Variants in SPAG16 observed in about 807,000 individuals in gnomAD.
SPAG16 encodes sperm associated antigen 16, also known as sperm-associated antigen 16 protein.
SPAG16 carries 86 observed loss-of-function variants against 80.4 expected under a neutral mutation model. That is an observed-to-expected ratio of 1.07 (90% CI 0.90 to 1.28). The LOEUF (loss-of-function observed/expected upper bound fraction) is 1.28. SPAG16 is among the 50% of genes most tolerant of loss of function. SPAG16 has a pLI of 0.00. For synonymous variants in SPAG16, 294 were observed against 265.9 expected, an observed-to-expected ratio of 1.11 and a Z score of -1.03; for missense variants, 870 against 765.3, an observed-to-expected ratio of 1.14 and a Z score of -1.61.
intron 10 of SPAG16, among the ~76,000 whole-genome samples, chr2:213,730,765 G>GTTCTC (rs1209203423): frequency 6.6e-6 from 1 of 152,088 alleles, no homozygotes; most frequent in Non-Finnish European, 1.5e-5. Context: ...CTCCTACTCT[G>GTTCTC]TTCTCTCTTC....
At chr2:213,731,823 A>T (rs1043505685) in intron 10 of SPAG16, among the ~76,000 whole-genome samples, 1 of 152,108 alleles carries the variant, frequency 6.6e-6, no homozygotes, top group Non-Finnish European at 1.5e-5. Context: ...AGTATTCCAT[A>T]GTGTATATGT....
At chr2:214,022,961 T>C (rs1488765135) in intron 13 of SPAG16, among the ~76,000 whole-genome samples, 1 of 152,056 alleles carries the variant, frequency 6.6e-6, no homozygotes, top group Non-Finnish European at 1.5e-5. Context: ...GCCTTCCTTC[T>C]TTGCTACTAC....
chr2:213,947,702 A>G (rs961845241), intron 12 of SPAG16, among the ~76,000 whole-genome samples: 2 of 152,134 alleles, frequency 1.3e-5, no homozygotes, highest in Non-Finnish European at 2.9e-5. Flanking sequence ...AAAGTACCTA[A>G]TTTTCGAGAA....
intron 12 of SPAG16, among the ~76,000 whole-genome samples, chr2:214,003,026 T>C (rs773042842): frequency 2.6e-4 from 40 of 152,204 alleles, no homozygotes; most frequent in Non-Finnish European, 4.6e-4. Flanking sequence ...GGCCTCGATA[T>C]GTAGCATTTG....
chr2:214,056,505 C>T lies in SPAG16; in HGVS notation c.1527+42428C>T, dbSNP rs2049954359. Reference sequence around the variant, plus strand: ...TTATTTTTTTAAAAAATGAGCATTCCTTAATTTAAAAATACTTATTGGTAA... The same window carrying T: ...TTATTTTTTTAAAAAATGAGCATTCTTTAATTTAAAAATACTTATTGGTAA... On this transcript the variant is annotated intron_variant, in intron 13 of 15. Transcript: ENST00000331683. Among the ~76,000 whole-genome samples the T allele has an allele frequency of 2.1e-5, 3 of 142,488 alleles. No individual in the cohort carries two copies. The Admixed American group carries it at 2.2e-4, about 10-fold the overall frequency. The allele number at this position is 142,488 out of a possible 152,430, so 93.5% of individuals were successfully genotyped here.
chr2:213,567,345 T>G (rs1170995109), intron 10 of SPAG16, among the ~76,000 whole-genome samples: 1 of 123,786 alleles, frequency 8.1e-6, no homozygotes, highest in Non-Finnish European at 1.7e-5. Flanking sequence ...ATGTGTCATC[T>G]AGCATTAGGT....
intron 11 of SPAG16, among the ~76,000 whole-genome samples, chr2:213,870,130 C>T (rs1326220143): frequency 6.6e-6 from 1 of 152,078 alleles, no homozygotes; most frequent in African/African-American, 2.4e-5. Flanking sequence ...CTCTGGCCAG[C>T]GAAATGTGAA....
intron 10 of SPAG16, among the ~76,000 whole-genome samples, chr2:213,519,622 G>T (rs1277448247): frequency 6.6e-6 from 1 of 152,202 alleles, no homozygotes; most frequent in East Asian, 1.9e-4. Flanking sequence ...CCAGTCTCAG[G>T]TATGTCTTTA....
At chr2:213,491,258 T>C (rs1185924276) in intron 10 of SPAG16, among the ~76,000 whole-genome samples, 1 of 152,246 alleles carries the variant, frequency 6.6e-6, no homozygotes, top group Admixed American at 6.5e-5. Flanking sequence ...AGGTCGTGAC[T>C]TTTTCTTATA....
chr2:213,680,123 G>C (rs555423191), intron 10 of SPAG16, among the ~76,000 whole-genome samples: 64 of 152,264 alleles, frequency 4.2e-4, no homozygotes, highest in African/African-American at 1.5e-3. Flanking sequence ...AGGCTTCATA[G>C]TGTCAAGAGA....
chr2:213,501,974 G>T (rs2074761885), intron 10 of SPAG16, among the ~76,000 whole-genome samples: 1 of 152,076 alleles, frequency 6.6e-6, no homozygotes, highest in Non-Finnish European at 1.5e-5. Context: ...GATGTCTTAG[G>T]CTATTAACCA....
intron 6 of SPAG16, among the ~76,000 whole-genome samples, chr2:213,342,369 ATATG>A (rs544545060): frequency 6.8e-6 from 1 of 147,670 alleles, no homozygotes; most frequent in African/African-American, 2.5e-5. Context: ...TATTACATAT[ATATG>A]TATTATATAT....
intron 10 of SPAG16, among the ~76,000 whole-genome samples, chr2:213,573,085 C>T (rs1350043746): frequency 6.6e-6 from 1 of 152,166 alleles, no homozygotes; most frequent in Admixed American, 6.5e-5. Flanking sequence ...AATGCCTCGC[C>T]CTGCTTTGGC....
rs536024211 is a variant in SPAG16, at chr2:213,293,396, G to C, written c.137-2668G>C. On this transcript the variant is annotated intron_variant, in intron 1 of 15. Transcript: ENST00000331683. ...TGTAATCCTCACACACTGAGTAGAC[G>C]TGACCCATGTAACCAGTGGGATATT... is the stretch of plus-strand genomic sequence containing the variant. 3.0e-4 allele frequency among the ~76,000 whole-genome samples: 45 copies of C among 152,286 alleles called. No homozygotes were observed. In the South Asian group the frequency reaches 6.2e-3, roughly 21 times the overall value.
intron 15 of SPAG16, among the ~76,000 whole-genome samples, chr2:214,284,797 C>CTGTGTGTG (rs34221048): frequency 1.4e-4 from 21 of 149,870 alleles, no homozygotes; most frequent in Middle Eastern, 3.4e-3. Context: ...ATATTTTACT[C>CTGTGTGTG]TGTGTGTGTG....
chr2:213,631,729 A>G (rs1232140112), intron 10 of SPAG16, among the ~76,000 whole-genome samples: 1 of 152,148 alleles, frequency 6.6e-6, no homozygotes, highest in Non-Finnish European at 1.5e-5. Flanking sequence ...AGCACCATTT[A>G]TTGAGGAGAC....
intron 8 of SPAG16, among the ~76,000 whole-genome samples, chr2:213,372,597 A>G (rs1361777509): frequency 2.0e-5 from 3 of 152,216 alleles, no homozygotes; most frequent in Admixed American, 2.0e-4. Flanking sequence ...TTTTTCAAAT[A>G]TAACATCTTC....
chr2:214,393,598 A>G (rs111559527), intron 15 of SPAG16, among the ~76,000 whole-genome samples: 3 of 152,072 alleles, frequency 2.0e-5, no homozygotes, highest in African/African-American at 7.2e-5. Flanking sequence ...ACATATCAAG[A>G]TCATTTAAGT....
chr2:214,109,592 A>G (rs965714217), intron 14 of SPAG16, among the ~76,000 whole-genome samples: 1 of 152,194 alleles, frequency 6.6e-6, no homozygotes, highest in African/African-American at 2.4e-5. Flanking sequence ...ACTAAAAATT[A>G]TATCTACTAA....
Sources: allele counts gnomAD v4.1 joint callset (sites outside exome capture counted in the v4.1 genomes callset), GRCh38; gene constraint gnomAD v4.1.1; transcripts MANE v1.5; gene names NCBI Gene and HGNC (gene_info 2026-07-23, HGNC 2026-07-21).